Variants in NEGR1 observed in about 807,000 individuals in gnomAD.
The protein encoded by NEGR1 is IgLON family member 4.
NEGR1 carries 10 observed loss-of-function variants against 40.9 expected under a neutral mutation model. The ratio of observed to expected loss-of-function variants is 0.24; its 90% CI spans 0.15 to 0.42. The LOEUF (loss-of-function observed/expected upper bound fraction) is 0.42. Among genes scored for constraint, NEGR1 ranks in the 10% least tolerant of loss-of-function variants. NEGR1 has a pLI of 1.00. For missense variants in NEGR1, 352 were observed against 438.9 expected (o/e 0.80, Z 1.77); for synonymous variants, 185 against 166.8 (o/e 1.11, Z -0.84).
At chr1:71,485,689 A>G (rs1646883152) in intron 6 of NEGR1, among the ~76,000 whole-genome samples, 1 of 151,706 alleles carries the variant, frequency 6.6e-6, no homozygotes, top group Non-Finnish European at 1.5e-5. Context: ...ATTACATAGT[A>G]GGTAGCCTTT....
At chr1:72,281,101 GT>G (rs1228400250) in intron 1 of NEGR1, among the ~76,000 whole-genome samples, 1 of 152,192 alleles carries the variant, frequency 6.6e-6, no homozygotes, top group Non-Finnish European at 1.5e-5. Flanking sequence ...GGGTATGGAT[GT>G]TTATTAATGA....
chr1:72,104,115 A>T (rs1261826913), intron 1 of NEGR1, among the ~76,000 whole-genome samples: 1 of 151,978 alleles, frequency 6.6e-6, no homozygotes, highest in South Asian at 2.1e-4. Flanking sequence ...TAAAGTTTTG[A>T]GTGCAGAATG....
At chr1:72,018,457 A>G (rs1646730483) in intron 1 of NEGR1, among the ~76,000 whole-genome samples, 1 of 152,304 alleles carries the variant, frequency 6.6e-6, no homozygotes, top group East Asian at 1.9e-4. Flanking sequence ...CGAAAAATAT[A>G]TACAAAAACA....
chr1:71,739,222 A>C lies in NEGR1; in HGVS notation c.535+36950T>G, dbSNP rs540440009. ...CAGAAAAAAAAAAAAAAAAAACAAA[A>C]AAAAAAAACGTGAAAAGACTAGACT... On this transcript the variant is annotated intron_variant, in intron 3 of 6. Transcript: ENST00000357731. 2.7e-4 allele frequency among the ~76,000 whole-genome samples: 41 copies of C among 151,170 alleles called. No homozygotes were observed. The South Asian group carries it at 8.3e-3, about 31-fold the overall frequency.
intron 1 of NEGR1, among the ~76,000 whole-genome samples, chr1:72,101,160 C>A (rs1648922488): frequency 6.6e-6 from 1 of 152,152 alleles, no homozygotes; most frequent in Admixed American, 6.5e-5. Flanking sequence ...TTGACTGTGT[C>A]TTTTTCTTTG....
intron 6 of NEGR1, among the ~76,000 whole-genome samples, chr1:71,445,590 A>G (rs1646576480): frequency 6.6e-6 from 1 of 152,188 alleles, no homozygotes; most frequent in African/African-American, 2.4e-5. Context: ...AACTCTAATA[A>G]AATTCTCAAA....
chr1:71,575,536 T>C (rs191459448), intron 6 of NEGR1, among the ~76,000 whole-genome samples: 112 of 152,224 alleles, frequency 7.4e-4, no homozygotes, highest in Admixed American at 6.8e-3. Flanking sequence ...GTAATCCCAG[T>C]ACTTTGGGAG....
chr1:71,886,589 T>C (rs138935982), intron 2 of NEGR1, among the ~76,000 whole-genome samples: 6 of 152,260 alleles, frequency 3.9e-5, no homozygotes, highest in African/African-American at 1.4e-4. Flanking sequence ...TCACCCCTAC[T>C]TTTTACCATC....
chr1:71,673,688 A>G (rs1296002406), intron 4 of NEGR1, among the ~76,000 whole-genome samples: 1 of 152,176 alleles, frequency 6.6e-6, no homozygotes, highest in African/African-American at 2.4e-5. Context: ...CTGTTTTAGG[A>G]CACTAATGGG....
chr1:71,943,064 GTA>G (rs745544128), intron 1 of NEGR1, among the ~76,000 whole-genome samples: 7 of 127,994 alleles, frequency 5.5e-5, no homozygotes, highest in Non-Finnish European at 8.6e-5. Flanking sequence ...ATATGTGTGT[GTA>G]TATATATGTG....
At chr1:71,688,815 C>G (rs1249068976) in intron 4 of NEGR1, among the ~76,000 whole-genome samples, 2 of 152,088 alleles carry the variant, frequency 1.3e-5, no homozygotes, top group Non-Finnish European at 2.9e-5. Flanking sequence ...AAATCATTGG[C>G]CTTGCAGCAG....
intron 1 of NEGR1, among the ~76,000 whole-genome samples, chr1:72,178,182 T>G (rs1292212040): frequency 6.6e-6 from 1 of 152,020 alleles, no homozygotes; most frequent in Non-Finnish European, 1.5e-5. Context: ...AAAGGAACAA[T>G]CTGTCATGTT....
intron 1 of NEGR1, among the ~76,000 whole-genome samples, chr1:71,960,224 T>A (rs962208849): frequency 2.6e-5 from 4 of 152,162 alleles, no homozygotes; most frequent in African/African-American, 9.6e-5. Context: ...ATTGAAGATA[T>A]CTCACATACC....
chr1:72,183,944 G>A (rs1396281237), intron 1 of NEGR1, among the ~76,000 whole-genome samples: 1 of 152,012 alleles, frequency 6.6e-6, no homozygotes, highest in Non-Finnish European at 1.5e-5. Flanking sequence ...AGAAAGATTA[G>A]CATGAATATA....
intron 2 of NEGR1, among the ~76,000 whole-genome samples, chr1:71,923,547 T>C (rs943484352): frequency 1.3e-5 from 2 of 152,206 alleles, no homozygotes; most frequent in Admixed American, 6.5e-5. Flanking sequence ...AACAAATTAT[T>C]ACAAATTTAG....
chr1:71,740,389 T>A (rs1186705428), intron 3 of NEGR1, among the ~76,000 whole-genome samples: 4 of 152,154 alleles, frequency 2.6e-5, no homozygotes. Flanking sequence ...GAGATTAATA[T>A]AAATATGATC....
rs77658348 is a variant in NEGR1 at position 71,402,380 on chromosome 1, G to T, written c.*5066C>A. 1 of 152,282 alleles carries T rather than the reference G, an allele frequency of 6.6e-6. No individual in the cohort carries two copies. Among genetic ancestry groups the T allele is most frequent in the Middle Eastern group, 3.4e-3 (1 of 294 alleles). The allele number at this position is 152,282 out of a possible 1,614,324, so 9.4% of individuals were successfully genotyped here. On this transcript the variant is annotated 3_prime_UTR_variant, in exon 7 of 7. Coordinates refer to ENST00000357731, the MANE Select transcript of NEGR1 (RefSeq NM_173808.3). The stretch of plus-strand genomic sequence containing the variant: ...TTGCCACAATTGTCTCTGAAATGAA[G>T]CATGTTTCTTAGACTGAAGGAAAGC...
At chr1:71,670,602 A>G (rs1379821943) in intron 4 of NEGR1, among the ~76,000 whole-genome samples, 1 of 151,930 alleles carries the variant, frequency 6.6e-6, no homozygotes, top group Non-Finnish European at 1.5e-5. Context: ...TGTTGTCCAC[A>G]CACAATTTCA....
In NEGR1 at chr1:71,540,213, T is replaced by G. The variant is rs962189714; in HGVS notation, c.940+52604A>C. Among the ~76,000 whole-genome samples, 5 of 151,926 alleles carry G rather than the reference T, an allele frequency of 3.3e-5. No homozygotes were observed. The East Asian group carries it at 9.8e-4, about 30-fold the overall frequency. ...CCATTATCACAGAAGAATAAATGTC[T>G]TAGTTTTCAGCAAACTCACTTGGTT... is the stretch of plus-strand genomic sequence containing the variant. On this transcript the variant is annotated intron_variant, in intron 6 of 6. Transcript: ENST00000357731.
Sources: gnomAD v4.1 joint callset for allele counts (sites outside exome capture counted in the v4.1 genomes callset) on GRCh38, gnomAD v4.1.1 for gene constraint, MANE v1.5 for transcripts, NCBI Gene and HGNC (gene_info 2026-07-23, HGNC 2026-07-21) for gene names.